DGKK: variants seen among roughly 807,000 people sequenced by gnomAD.
DGKK encodes the protein diacylglycerol kinase kappa, also known as 142 kDa diacylglycerol kinase.
Under a neutral mutation model 92.2 loss-of-function variants are expected in DGKK, and 35 were observed. The ratio of observed to expected loss-of-function variants is 0.38; its 90% CI spans 0.29 to 0.50. The LOEUF is 0.50. DGKK is among the 20% of genes least tolerant of loss of function. The pLI is 0.92. For missense variants in DGKK, 910 were observed against 992.2 expected, an observed-to-expected ratio of 0.92 and a Z score of 1.11; for synonymous variants, 368 against 360.6, an observed-to-expected ratio of 1.02 and a Z score of -0.23.
At chrX:50,430,127 C>A (rs1050375247) in intron 1 of DGKK, among the ~76,000 whole-genome samples, 6 of 112,157 alleles carry the variant, frequency 5.3e-5, no homozygotes, top group Non-Finnish European at 1.1e-4. Context: ...AAGAACGCAT[C>A]TCTGATGTTA....
At chrX:50,384,688 A>G in intron 16 of DGKK, 32 bp downstream of exon 16, 2 of 1,148,794 alleles carry the variant, frequency 1.7e-6, no homozygotes, top group Non-Finnish European at 2.4e-6. Flanking sequence ...GACGAAGGCT[A>G]GAATAAGGGA....
chrX:50,413,424 C>T (rs1388177903), intron 4 of DGKK, among the ~76,000 whole-genome samples: 1 of 111,852 alleles, frequency 8.9e-6, no homozygotes, highest in Non-Finnish European at 1.9e-5. Flanking sequence ...GAAAAGACAA[C>T]CCACAGAGTG....
At chrX:50,453,993 TA>T (rs11307283) in intron 1 of DGKK, among the ~76,000 whole-genome samples, 45,943 of 102,249 alleles carry the variant, frequency 0.45, 9,372 homozygotes, top group African/African-American at 0.74. Context: ...CCTTCAGGCT[TA>T]AAAAAAAAAA....
At chrX:50,443,974 T>C (rs1266440009) in intron 1 of DGKK, among the ~76,000 whole-genome samples, 6 of 111,291 alleles carry the variant, frequency 5.4e-5, no homozygotes, top group African/African-American at 2.0e-4. Context: ...CCTTTCGAGG[T>C]TGGCTTTTTA....
rs782120527 is a variant in DGKK at position 50,451,924 on chromosome X, T to C, written c.645+18110A>G. On this transcript the variant is annotated intron_variant, in intron 1 of 27. Coordinates refer to ENST00000611977, the MANE Select transcript of DGKK (RefSeq NM_001013742.4). Reference sequence around the variant, plus strand: ...CTTATTCTGCATAGGGCACTCATCCTTTTGAAAGGAAAACGGACCAGAGGT... The same window carrying C: ...CTTATTCTGCATAGGGCACTCATCCCTTTGAAAGGAAAACGGACCAGAGGT... 3.6e-5 allele frequency among the ~76,000 whole-genome samples: 4 copies of C among 112,273 alleles called. No homozygotes were observed. The East Asian group carries it at 1.1e-3, about 32-fold the overall frequency.
intron 1 of DGKK, among the ~76,000 whole-genome samples, chrX:50,446,424 T>A (rs782726268): frequency 4.5e-5 from 5 of 111,621 alleles, no homozygotes; most frequent in African/African-American, 1.3e-4. Flanking sequence ...CTAATAGGTG[T>A]ATGGTGACAT....
intron 8 of DGKK, among the ~76,000 whole-genome samples, chrX:50,395,133 T>C (rs1159726604): frequency 2.7e-5 from 3 of 111,284 alleles, no homozygotes; most frequent in African/African-American, 9.8e-5. Context: ...CTGTTCAGCA[T>C]GGACTTGAGA....
At chrX:50,437,341 C>T (rs1189288857) in intron 1 of DGKK, among the ~76,000 whole-genome samples, 4 of 111,542 alleles carry the variant, frequency 3.6e-5, no homozygotes, top group African/African-American at 1.3e-4. Context: ...AGATCTGCAT[C>T]CTTTTCCGAC....
At position 50,456,543 on chromosome X, in the gene DGKK, T is replaced by C. The variant is rs145313859; in HGVS notation, c.645+13491A>G. Among the ~76,000 whole-genome samples, 53 of 112,352 alleles carry C rather than the reference T, an allele frequency of 4.7e-4. No individual in the cohort carries two copies. In the East Asian group the frequency reaches 0.014, roughly 30 times the overall value. On this transcript the variant is annotated intron_variant, in intron 1 of 27. Transcript: ENST00000611977. ...TACTTAGTTATTTGTTTCAACCTGC[T>C]CTCCATATAGTACACTTAAATGCAA... is the stretch of plus-strand genomic sequence containing the variant.
rs1267131864 is a variant in DGKK, at chrX:50,387,524, G to C, written c.2118+30C>G. On this transcript the variant is annotated intron_variant, in intron 14 of 27. Transcript: ENST00000611977. ...AAAGGGCCCCTGGCTGCTCCACAAAGAGTATAAGACAAAAGGAATGGGAAC... is the reference window on the plus strand; with the variant it reads ...AAAGGGCCCCTGGCTGCTCCACAAACAGTATAAGACAAAAGGAATGGGAAC... 16 of 1,087,745 alleles carry C rather than the reference G, an allele frequency of 1.5e-5. No individual in the cohort carries two copies. In the Admixed American group the frequency reaches 2.8e-4, roughly 19 times the overall value. 89.6% of individuals were successfully genotyped at this position (1,087,745 alleles called of 1,213,427 possible).
At chrX:50,445,540 C>T (rs1391929310) in intron 1 of DGKK, among the ~76,000 whole-genome samples, 1 of 111,285 alleles carries the variant, frequency 9.0e-6, no homozygotes, top group Non-Finnish European at 1.9e-5. Flanking sequence ...AATAGGAAGT[C>T]TTTTCCCTAT....
At position 50,470,554 on chromosome X, in the gene DGKK, G is replaced by T. The variant is rs782293252; in HGVS notation, c.125C>A (p.Ala42Asp). Residue 42 changes from alanine (A) to aspartate (D), a missense_variant, in exon 1 of 28, where the codon GCT (alanine) becomes GAT (aspartate). Ala to Asp is a moderately radical substitution (Grantham distance 126). Transcript: ENST00000611977. ...PPPPPPAPPP[A>D]PPLLSEASPE... ...CGAAGCCTCGGAGAGCAGCGGCGGA[G>T]CCGGCGGCGGAGCCGGTGGTGGTGG... 2.5e-6 allele frequency: 3 copies of T among 1,204,827 alleles called. No homozygotes were observed. The highest frequency in any genetic ancestry group is 3.4e-6 in the Non-Finnish European group (3 of 893,568).
At chrX:50,433,047 C>T (rs1925927969) in intron 1 of DGKK, among the ~76,000 whole-genome samples, 1 of 111,815 alleles carries the variant, frequency 8.9e-6, no homozygotes, top group South Asian at 3.8e-4. Flanking sequence ...AAGAGCTCTG[C>T]TGAGCCCGCC....
At chrX:50,464,908 T>C (rs11091775) in intron 1 of DGKK, among the ~76,000 whole-genome samples, 42,670 of 110,208 alleles carry the variant, frequency 0.39, 6,800 homozygotes, top group African/African-American at 0.59. Flanking sequence ...AAAGAAACCC[T>C]GTACTCTTTA....
At position 50,371,828 on chromosome X, in the gene DGKK, T is replaced by C. The variant is rs1557223266; in HGVS notation, c.3508A>G (p.Ser1170Gly). Residue 1170 changes from serine (S) to glycine (G), a missense_variant, in exon 26 of 28, where the codon AGT becomes GGT. Coordinates refer to ENST00000611977, the MANE Select transcript of DGKK (RefSeq NM_001013742.4). ...TGTAGTGCAGTCTCATCCTCAGCAC[T>C]TCTCAGCTGGTACAGACAGGAAAAA... ...TAFLDEKLLR[S>G]AEDETALQSA... 1 of 1,183,058 alleles carries C rather than the reference T, an allele frequency of 8.5e-7. No homozygotes were observed. The highest frequency in any genetic ancestry group is 1.7e-5 in the African/African-American group (1 of 57,299).
At chrX:50,441,333 G>T (rs1557231289) in intron 1 of DGKK, among the ~76,000 whole-genome samples, 2 of 111,479 alleles carry the variant, frequency 1.8e-5, no homozygotes, top group East Asian at 5.7e-4. Context: ...ATATATGAAT[G>T]TTCTCCAAAT....
intron 1 of DGKK, among the ~76,000 whole-genome samples, chrX:50,456,950 C>T (rs782003210): frequency 1.5e-4 from 17 of 111,807 alleles, no homozygotes; most frequent in African/African-American, 5.2e-4. Flanking sequence ...GTTAATGGCA[C>T]ATCACTGGCT....
chrX:50,467,955 T>A (rs1380643235), intron 1 of DGKK, among the ~76,000 whole-genome samples: 5 of 112,270 alleles, frequency 4.5e-5, no homozygotes, highest in Non-Finnish European at 9.4e-5. Flanking sequence ...TCGTGGTTCT[T>A]AACCCCATTC....
At chrX:50,443,029 G>A (rs191895421) in intron 1 of DGKK, among the ~76,000 whole-genome samples, 16 of 111,683 alleles carry the variant, frequency 1.4e-4, no homozygotes, top group East Asian at 2.8e-4. Context: ...TGACTAGCTC[G>A]TCTACTAGCA....
Sources: gnomAD v4.1 joint callset for allele counts (sites outside exome capture counted in the v4.1 genomes callset) on GRCh38, gnomAD v4.1.1 for gene constraint, MANE v1.5 for transcripts, NCBI Gene and HGNC (gene_info 2026-07-23, HGNC 2026-07-21) for gene names.